Variants in PAFAH1B1 observed in about 807,000 individuals in gnomAD.
PAFAH1B1 encodes platelet activating factor acetylhydrolase 1b regulatory subunit 1, also known as platelet-activating factor acetylhydrolase IB subunit beta.
In PAFAH1B1, 2 loss-of-function variants were observed where a neutral mutation model predicts 57.5. That is an observed-to-expected ratio of 0.03 (90% CI 0.01 to 0.11). PAFAH1B1 has a LOEUF of 0.11. Among genes scored for constraint, PAFAH1B1 ranks in the 10% least tolerant of loss-of-function variants. PAFAH1B1 has a pLI of 1.00. For synonymous variants in PAFAH1B1, 152 were observed against 169.6 expected (o/e 0.90, Z 0.81); for missense variants, 257 against 512.0 (o/e 0.50, Z 4.81).
chr17:2,632,926 G>T (rs965268608), intron 1 of PAFAH1B1, among the ~76,000 whole-genome samples: 1 of 152,136 alleles, frequency 6.6e-6, no homozygotes, highest in African/African-American at 2.4e-5. Flanking sequence ...TTGCAGATTG[G>T]TAGTTGGAGC....
At chr17:2,637,409 G>C (rs1256459994) in intron 1 of PAFAH1B1, among the ~76,000 whole-genome samples, 1 of 75,510 alleles carries the variant, frequency 1.3e-5, no homozygotes, top group Non-Finnish European at 2.5e-5. Context: ...AGGGAGACCT[G>C]TCTCTACAAA....
At position 2,683,760 on chromosome 17, in the gene PAFAH1B1, G is replaced by T. The variant is rs1275058505; in HGVS notation, c.*1958G>T. The T allele has an allele frequency of 6.6e-6, 1 of 152,550 alleles. No individual in the cohort carries two copies. Among genetic ancestry groups the T allele is most frequent in the Non-Finnish European group, 1.5e-5 (1 of 68,036 alleles). The allele number at this position is 152,550 out of a possible 1,614,324, so 9.4% of individuals were successfully genotyped here. ...AAAGTCTTTTTCCCTTAGCTCTTCT[G>T]ACTGGATTTTTCTACAAAAACTATG... On this transcript the variant is annotated 3_prime_UTR_variant, in exon 11 of 11. Coordinates refer to ENST00000397195, the MANE Select transcript of PAFAH1B1 (RefSeq NM_000430.4).
chr17:2,617,335 C>T (rs1394490117), intron 1 of PAFAH1B1, among the ~76,000 whole-genome samples: 1 of 152,084 alleles, frequency 6.6e-6, no homozygotes, highest in African/African-American at 2.4e-5. Flanking sequence ...AAATAGGAAA[C>T]ATTTTCCTAT....
chr17:2,662,378 TTGTGTGTGTG>T (rs57918293), intron 2 of PAFAH1B1, among the ~76,000 whole-genome samples: 10,660 of 123,704 alleles, frequency 0.086, 490 homozygotes, highest in Non-Finnish European at 0.1. Context: ...TTTAACCTCT[TTGTGTGTGTG>T]TGTGTGTGTG....
chr17:2,677,635 A>T (rs2069290274), intron 9 of PAFAH1B1, among the ~76,000 whole-genome samples: 1 of 152,148 alleles, frequency 6.6e-6, no homozygotes, highest in Non-Finnish European at 1.5e-5. Flanking sequence ...CGAGCAGATC[A>T]CGAGGTCAGG....
At chr17:2,665,636 T>C (rs1304924476) in intron 3 of PAFAH1B1, among the ~76,000 whole-genome samples, 180 bp downstream of exon 3, 1 of 151,998 alleles carries the variant, frequency 6.6e-6, no homozygotes, top group Non-Finnish European at 1.5e-5. Context: ...GAGTCTCACT[T>C]TGTCTCCCAG....
At chr17:2,607,335 G>A (rs1330967906) in intron 1 of PAFAH1B1, among the ~76,000 whole-genome samples, 1 of 151,414 alleles carries the variant, frequency 6.6e-6, no homozygotes, top group Non-Finnish European at 1.5e-5. Flanking sequence ...CAGCGTGCCC[G>A]GCTGATTTTT....
At position 2,681,984 on chromosome 17, in the gene PAFAH1B1, A is replaced by G; in HGVS notation, c.*182A>G. ...CATGCATGGTGAATCCAAATTGTAT[A>G]CTGTAAATTTACATACGTTGTCTAG... On this transcript the variant is annotated 3_prime_UTR_variant, in exon 11 of 11. Transcript: ENST00000397195. 1 of 574,026 alleles carries G rather than the reference A, an allele frequency of 1.7e-6. No homozygotes were observed. Among genetic ancestry groups the G allele is most frequent in the Non-Finnish European group, 3.1e-6 (1 of 324,084 alleles). 35.6% of individuals were successfully genotyped at this position (574,026 alleles called of 1,614,324 possible).
chr17:2,644,950 T>G (rs1316717621), intron 2 of PAFAH1B1, among the ~76,000 whole-genome samples: 2 of 152,128 alleles, frequency 1.3e-5, no homozygotes, highest in Non-Finnish European at 2.9e-5. Flanking sequence ...GATAAATAAT[T>G]TAAAATGTTC....
Position 2,670,246 on chromosome 17 carries a change from C to T in PAFAH1B1, c.483C>T (p.Ser161=), listed in dbSNP as rs532943486. 2.6e-4 allele frequency: 427 copies of T among 1,613,964 alleles called. 3 individuals are homozygous for T. In the South Asian group the frequency reaches 4.2e-3, roughly 16 times the overall value. Residue 161 remains serine (S), a synonymous_variant, in exon 6 of 11, where the codon AGC becomes AGT. Transcript: ENST00000397195. ...DSVQDISFDH[S]GKLLASCSAD... ...TACAGGACATTTCATTCGACCACAG[C>T]GGCAAGCTTCTGGCTTCCTGTTCTG...
intron 4 of PAFAH1B1, 73 bp downstream of exon 4, chr17:2,666,163 C>CAATT: frequency 8.2e-7 from 1 of 1,219,156 alleles, no homozygotes; most frequent in Non-Finnish European, 1.1e-6. Flanking sequence ...CATTCTTCTG[C>CAATT]ATTAATTAAT....
chr17:2,620,766 G>C (rs539768433), intron 1 of PAFAH1B1, among the ~76,000 whole-genome samples: 1 of 152,212 alleles, frequency 6.6e-6, no homozygotes, highest in Admixed American at 6.5e-5. Context: ...GGAGGCTGAG[G>C]TAGGAGAATC....
rs764058558 is a variant in PAFAH1B1, at chr17:2,676,492, A to T, written c.901-13A>T. The T allele has an allele frequency of 1.2e-5, 18 of 1,540,450 alleles. No individual in the cohort carries two copies. The Admixed American group carries it at 2.8e-4, about 24-fold the overall frequency. ...TTGTGTGGGAAACTTAATTTTTATTATGTTTTCTGTAGACTAAAAAAAGTG... is the reference window on the plus strand; with the variant it reads ...TTGTGTGGGAAACTTAATTTTTATTTTGTTTTCTGTAGACTAAAAAAAGTG... On this transcript the variant is annotated splice_polypyrimidine_tract_variant and intron_variant, in intron 8 of 10. Coordinates refer to ENST00000397195, the MANE Select transcript of PAFAH1B1 (RefSeq NM_000430.4).
chr17:2,675,633 A>AT (rs2069251449), intron 8 of PAFAH1B1, among the ~76,000 whole-genome samples: 1 of 119,106 alleles, frequency 8.4e-6, no homozygotes, highest in Non-Finnish European at 1.9e-5. Context: ...TCTACAGAAA[A>AT]CTTTTTTTTT....
At chr17:2,612,214 T>C (rs939417356) in intron 1 of PAFAH1B1, among the ~76,000 whole-genome samples, 50 of 151,540 alleles carry the variant, frequency 3.3e-4, no homozygotes, top group Non-Finnish European at 6.2e-4. Flanking sequence ...ATGGCACTTT[T>C]TTTTTTTTTT....
At chr17:2,598,683 C>T (rs1244012772) in intron 1 of PAFAH1B1, among the ~76,000 whole-genome samples, 1 of 151,328 alleles carries the variant, frequency 6.6e-6, no homozygotes, top group Non-Finnish European at 1.5e-5. Context: ...AAAGACAGAC[C>T]TACCGTTCTC....
intron 6 of PAFAH1B1, among the ~76,000 whole-genome samples, chr17:2,670,597 T>C (rs2069168299): frequency 6.6e-6 from 1 of 152,214 alleles, no homozygotes; most frequent in Non-Finnish European, 1.5e-5. Flanking sequence ...CATTTATCTG[T>C]ATTTGAGTTA....
At chr17:2,621,448 A>T (rs1051955659) in intron 1 of PAFAH1B1, among the ~76,000 whole-genome samples, 2 of 152,290 alleles carry the variant, frequency 1.3e-5, no homozygotes, top group African/African-American at 4.8e-5. Context: ...TTATCAGGAA[A>T]CATTGCTTAA....
intron 2 of PAFAH1B1, among the ~76,000 whole-genome samples, chr17:2,660,830 A>G (rs543834617): frequency 4.0e-4 from 61 of 152,266 alleles, no homozygotes; most frequent in African/African-American, 1.4e-3. Context: ...TCACCACACT[A>G]TCTTCCATGA....
Sources: gnomAD v4.1 joint callset for allele counts (sites outside exome capture counted in the v4.1 genomes callset) on GRCh38, gnomAD v4.1.1 for gene constraint, MANE v1.5 for transcripts, NCBI Gene and HGNC (gene_info 2026-07-23, HGNC 2026-07-21) for gene names.